The following TNRC6C variants were observed in gnomAD, a reference collection of about 807,000 sequenced individuals.
The protein encoded by TNRC6C is trinucleotide repeat-containing gene 6C protein.
In TNRC6C, 20 loss-of-function variants were observed where a neutral mutation model predicts 153.7. That is an observed-to-expected ratio of 0.13 (90% CI 0.09 to 0.19). The LOEUF is 0.19. Ranked by LOEUF, TNRC6C falls within the 10% of genes least tolerant of loss-of-function variation. The pLI, the probability that TNRC6C is intolerant of heterozygous loss-of-function variation, is 1.00. For synonymous variants in TNRC6C, 811 were observed against 841.4 expected (o/e 0.96, Z 0.63); for missense variants, 1,987 against 2,172.0 (o/e 0.91, Z 1.69).
chr17:78,008,670 C>G (rs986797054), intron 1 of TNRC6C: 13 of 152,156 alleles, frequency 8.5e-5, no homozygotes, highest in African/African-American at 3.1e-4. Context: ...AGGCCTTTTC[C>G]TTAGTTGTCT....
intron 1 of TNRC6C, among the ~76,000 whole-genome samples, chr17:77,994,859 CTTG>C (rs973485809): frequency 6.6e-6 from 1 of 152,086 alleles, no homozygotes; most frequent in African/African-American, 2.4e-5. Context: ...TTAAATACAG[CTTG>C]TTGTTTTATA....
At chr17:78,041,482 G>A (rs1439051114) in intron 2 of TNRC6C, among the ~76,000 whole-genome samples, 2 of 152,112 alleles carry the variant, frequency 1.3e-5, no homozygotes, top group Admixed American at 6.5e-5. Context: ...TTTTACTGCC[G>A]TTTTGAAGAA....
intron 1 of TNRC6C, among the ~76,000 whole-genome samples, chr17:77,986,082 T>A (rs1469597002): frequency 6.6e-6 from 1 of 152,132 alleles, no homozygotes; most frequent in Non-Finnish European, 1.5e-5. Flanking sequence ...AAAAAAATTA[T>A]AAAATACCTA....
upstream of TNRC6C, among the ~76,000 whole-genome samples, chr17:77,957,624 A>G (rs1486277792): frequency 1.3e-5 from 2 of 152,254 alleles, no homozygotes; most frequent in Non-Finnish European, 2.9e-5. Flanking sequence ...CCAACTTCCA[A>G]GTAGCACTGC....
At chr17:78,008,223 A>G (rs1433831255) in intron 1 of TNRC6C, among the ~76,000 whole-genome samples, 1 of 152,234 alleles carries the variant, frequency 6.6e-6, no homozygotes, top group Non-Finnish European at 1.5e-5. Context: ...TTAATATAAT[A>G]TGTAGCATGC....
rs2073622540 is a variant in TNRC6C, at chr17:78,102,848, T to C, written c.4572+304T>C. 3 of 360,428 alleles carry C rather than the reference T, an allele frequency of 8.3e-6. No homozygotes were observed. In the Admixed American group the frequency reaches 1.4e-4, roughly 16 times the overall value. 22.3% of individuals were successfully genotyped at this position (360,428 alleles called of 1,614,324 possible). ...TTTACAACTAGCCATTCAAGAGTGGTTGGGCCTGGCTGGGCGCAGTAGCTC... is the reference window on the plus strand; with the variant it reads ...TTTACAACTAGCCATTCAAGAGTGGCTGGGCCTGGCTGGGCGCAGTAGCTC... On this transcript the variant is annotated intron_variant, in intron 18 of 19. Coordinates refer to ENST00000301624, the Ensembl canonical transcript of TNRC6C.
chr17:77,997,630 T>TTC (rs2071347861), intron 1 of TNRC6C, among the ~76,000 whole-genome samples: 1 of 152,106 alleles, frequency 6.6e-6, no homozygotes, highest in South Asian at 2.1e-4. Flanking sequence ...CTGAACCCTT[T>TTC]TCACCATAAC....
At position 78,077,111 on chromosome 17, in the gene TNRC6C, T is replaced by A; in HGVS notation, c.3061-74T>A. On this transcript the variant is annotated intron_variant, in intron 8 of 19. Coordinates refer to ENST00000301624, the Ensembl canonical transcript of TNRC6C. Reference sequence around the variant, plus strand: ...TTTATCCATCCACGCCTCCTCTGTTTCCTTGGGAAACTGTTTGGTGCTTTG... The same window carrying A: ...TTTATCCATCCACGCCTCCTCTGTTACCTTGGGAAACTGTTTGGTGCTTTG... The A allele has an allele frequency of 2.0e-6, 3 of 1,503,960 alleles. No individual in the cohort carries two copies. In the South Asian group the frequency reaches 3.9e-5, roughly 19 times the overall value. The allele number at this position is 1,503,960 out of a possible 1,614,324, so 93.2% of individuals were successfully genotyped here. A position where few individuals can be genotyped will look rare whatever the true frequency, so the allele number is the denominator to read the frequency against.
At chr17:78,027,609 G>A (rs1427501871) in intron 1 of TNRC6C, among the ~76,000 whole-genome samples, 3 of 152,146 alleles carry the variant, frequency 2.0e-5, no homozygotes, top group Admixed American at 6.5e-5. Context: ...CCCAGGACAC[G>A]CAAAGTCCCT....
chr17:78,002,312 G>A (rs549353918), upstream of TNRC6C, among the ~76,000 whole-genome samples: 9 of 152,168 alleles, frequency 5.9e-5, no homozygotes, highest in East Asian at 9.7e-4. Flanking sequence ...TCTCAGGGCC[G>A]CAGAGAAAGA....
chr17:77,960,042 G>T (rs2070848814), intron 1 of TNRC6C, among the ~76,000 whole-genome samples: 1 of 152,172 alleles, frequency 6.6e-6, no homozygotes, highest in South Asian at 2.1e-4. Flanking sequence ...AAGGCTTGCT[G>T]CTTGGATGTT....
At chr17:77,974,641 G>A (rs925016425) in intron 1 of TNRC6C, among the ~76,000 whole-genome samples, 1 of 152,148 alleles carries the variant, frequency 6.6e-6, no homozygotes. Flanking sequence ...TATGTTTTTG[G>A]TTCATTTCGT....
intron 11 of TNRC6C, among the ~76,000 whole-genome samples, chr17:78,084,815 G>T (rs957339604): frequency 6.6e-6 from 1 of 151,964 alleles, no homozygotes; most frequent in Non-Finnish European, 1.5e-5. Context: ...TTTTAGTAGA[G>T]ACAGGGTTTC....
At chr17:78,107,362 A>G (rs953194275) in exon 20 of TNRC6C, 1 of 152,156 alleles carries the variant, frequency 6.6e-6, no homozygotes, top group South Asian at 2.1e-4. Context: ...TGTTTTCCTC[A>G]TAGAATGTGA....
At chr17:78,046,976 CT>C (rs556256269) in intron 2 of TNRC6C, among the ~76,000 whole-genome samples, 21 of 151,946 alleles carry the variant, frequency 1.4e-4, no homozygotes, top group African/African-American at 5.1e-4. Context: ...ACCAATAATA[CT>C]GTGTATTCGA....
intron 1 of TNRC6C, among the ~76,000 whole-genome samples, chr17:77,998,088 T>C (rs1213330806): frequency 6.6e-6 from 1 of 152,232 alleles, no homozygotes; most frequent in Non-Finnish European, 1.5e-5. Context: ...TACAACCATA[T>C]AACCATCATC....
intron 1 of TNRC6C, among the ~76,000 whole-genome samples, chr17:77,981,819 T>C (rs1441919270): frequency 6.6e-6 from 1 of 152,348 alleles, no homozygotes; most frequent in East Asian, 1.9e-4. Flanking sequence ...ACCGCCAGAA[T>C]TGAGTAGCTG....
rs545758319 is a variant in TNRC6C, at chr17:78,015,807, G to A, written c.-546+10728G>A. 1.5e-4 allele frequency among the ~76,000 whole-genome samples: 23 copies of A among 152,234 alleles called. No homozygotes were observed. The South Asian group carries it at 4.8e-3, about 32-fold the overall frequency. On this transcript the variant is annotated intron_variant, in intron 1 of 19. Coordinates refer to ENST00000301624, the Ensembl canonical transcript of TNRC6C. ...GGCGCCTGTGATCCCAGCTACTCGG[G>A]AGGCCAAGGCAGGAGAATTGCTGGA... is the stretch of plus-strand genomic sequence containing the variant.
chr17:78,075,259 G>A lies in TNRC6C; in HGVS notation c.3041G>A (p.Arg1014His), dbSNP rs1189022080. ...ATCTCCAAAGAGTCTTCCGTGGACC[G>A]CCCCACCTTTCTTGACAAGGTATGA... The change falls in exon 8 of 20, where the codon CGC (arginine) becomes CAC (histidine). Residue 1014 changes from arginine (R) to histidine (H), a missense_variant. By Grantham distance (29) the Arg-to-His change is conservative. This residue lies in a region of TNRC6C where 765 missense variants were observed against 908.6 expected (regional missense o/e 0.84). Transcript: ENST00000301624. The surrounding 1 kb of genome is among the most constrained non-coding windows in gnomAD (Gnocchi z 4.2). 6.3e-6 allele frequency: 10 copies of A among 1,596,824 alleles called. No individual in the cohort carries two copies. The East Asian group carries it at 6.8e-5, about 11-fold the overall frequency.
Sources: allele counts gnomAD v4.1 joint callset (sites outside exome capture counted in the v4.1 genomes callset), GRCh38; gene constraint gnomAD v4.1.1; regional missense constraint gnomAD v4.1.1; non-coding constraint Gnocchi (gnomAD v3.1); transcripts MANE v1.5; gene names NCBI Gene and HGNC (gene_info 2026-07-23, HGNC 2026-07-21).